Variants in SYMPK observed in about 807,000 individuals in gnomAD.
SYMPK encodes symplekin.
Under a neutral mutation model 136.4 loss-of-function variants are expected in SYMPK, and 49 were observed. That is an observed-to-expected ratio of 0.36 (90% CI 0.29 to 0.46). SYMPK has a LOEUF of 0.46. SYMPK is among the 20% of genes least tolerant of loss of function. The pLI, the probability that SYMPK is intolerant of heterozygous loss-of-function variation, is 1.00. For synonymous variants in SYMPK, 766 were observed against 713.0 expected (o/e 1.07, Z -1.19); for missense variants, 1,365 against 1,690.0 (o/e 0.81, Z 3.37).
rs139680092 is a variant in SYMPK, at chr19:45,820,951, G to C, written c.2893+433C>G. 1.4e-5 allele frequency: 8 copies of C among 580,742 alleles called. No individual in the cohort carries two copies. The Admixed American group carries it at 2.7e-4, about 19-fold the overall frequency. The allele number at this position is 580,742 out of a possible 1,614,324, so 36.0% of individuals were successfully genotyped here. A position where few individuals can be genotyped will look rare whatever the true frequency, so the allele number is the denominator to read the frequency against. On this transcript the variant is annotated intron_variant, in intron 22 of 26. Transcript: ENST00000245934. ...CGGCCAGTTCGTCACCAACCCTGCCGCCCTGCAGGCAAGCTCTCCTGCCTC... is the reference window on the plus strand; with the variant it reads ...CGGCCAGTTCGTCACCAACCCTGCCCCCCTGCAGGCAAGCTCTCCTGCCTC...
chr19:45,852,398 G>A lies in SYMPK; in HGVS notation c.226-13C>T. On this transcript the variant is annotated splice_polypyrimidine_tract_variant and intron_variant, in intron 4 of 26. Coordinates refer to ENST00000245934, the MANE Select transcript of SYMPK (RefSeq NM_004819.3). Reference sequence around the variant, plus strand: ...ATGCGATGATCTCCTGCCAATGTTAGAGAGAAAGTGGATCAGGGCTACACA... The same window carrying A: ...ATGCGATGATCTCCTGCCAATGTTAAAGAGAAAGTGGATCAGGGCTACACA... 6.2e-7 allele frequency: 1 copy of A among 1,614,182 alleles called. No homozygotes were observed. Among genetic ancestry groups the A allele is most frequent in the Non-Finnish European group, 8.5e-7 (1 of 1,180,038 alleles).
rs1385011820 is a variant in SYMPK at position 45,821,157 on chromosome 19, T to C, written c.2893+227A>G. ...ACATCAGAGGCAGAAAAAGGTGGGT[T>C]GTAAAGGGTAAAACCTGGGAGGAAG... On this transcript the variant is annotated intron_variant, in intron 22 of 26. Transcript: ENST00000245934. The surrounding 1 kb of genome is among the most constrained non-coding windows in gnomAD (Gnocchi z 4.4). 1.5e-6 allele frequency: 1 copy of C among 679,908 alleles called. No individual in the cohort carries two copies. Among genetic ancestry groups the C allele is most frequent in the South Asian group, 1.5e-5 (1 of 66,400 alleles). 42.1% of individuals were successfully genotyped at this position (679,908 alleles called of 1,614,324 possible). A position where few individuals can be genotyped will look rare whatever the true frequency, so the allele number is the denominator to read the frequency against.
intron 10 of SYMPK, among the ~76,000 whole-genome samples, chr19:45,835,920 A>AGAAAGAAG (rs1479803233): frequency 5.5e-5 from 8 of 145,944 alleles, no homozygotes; most frequent in Non-Finnish European, 1.0e-4. Context: ...TCATTCATAA[A>AGAAAGAAG]GAAAGAAAGA....
At chr19:45,841,408 T>C (rs2146328633) in intron 9 of SYMPK, among the ~76,000 whole-genome samples, 1 of 152,178 alleles carries the variant, frequency 6.6e-6, no homozygotes, top group East Asian at 1.9e-4. Flanking sequence ...TTCTCCTGCC[T>C]CAGCCTCCAG....
chr19:45,836,632 A>G (rs932847713), intron 10 of SYMPK, among the ~76,000 whole-genome samples: 1 of 150,208 alleles, frequency 6.7e-6, no homozygotes, highest in African/African-American at 2.4e-5. Context: ...CTCTGTCTCA[A>G]AAAAAAAATG....
Position 45,815,423 on chromosome 19 carries a change from T to A in SYMPK, c.*137A>T. The stretch of plus-strand genomic sequence containing the variant: ...ACCCGCGCCCCAGGCCCGCCATCCC[T>A]TTTTTTTTTTCTTTTCAGTAACTTG... On this transcript the variant is annotated 3_prime_UTR_variant, in exon 27 of 27. Transcript: ENST00000245934. 1.7e-6 allele frequency: 1 copy of A among 578,090 alleles called. No homozygotes were observed. The highest frequency in any genetic ancestry group is 2.5e-6 in the Non-Finnish European group (1 of 398,122). The allele number at this position is 578,090 out of a possible 1,614,324, so 35.8% of individuals were successfully genotyped here.
chr19:45,818,198 G>A (rs1201078924), intron 22 of SYMPK, 52 bp from the exon 23 acceptor site: 1 of 1,473,730 alleles, frequency 6.8e-7, no homozygotes, highest in East Asian at 2.5e-5. Flanking sequence ...TGCCCCCTGG[G>A]AGGTGGGAGT....
chr19:45,823,680 G>A, intron 19 of SYMPK, 87 bp downstream of exon 19: 2 of 1,233,392 alleles, frequency 1.6e-6, no homozygotes, highest in Non-Finnish European at 1.2e-6. Context: ...ACGACCATCT[G>A]GGGACCCAGC....
At chr19:45,854,893 T>TA (rs1366894110) in intron 1 of SYMPK, 6 of 202,258 alleles carry the variant, frequency 3.0e-5, no homozygotes, top group African/African-American at 1.4e-4. Flanking sequence ...TTTTTTTTTT[T>TA]TTGAGATGAA....
In SYMPK at chr19:45,815,868, CGAG is replaced by C; in HGVS notation, c.3667_3669del (p.Leu1223del). The C allele has an allele frequency of 6.2e-7, 1 of 1,611,890 alleles. No individual in the cohort carries two copies. Among genetic ancestry groups the C allele is most frequent in the Non-Finnish European group, 8.5e-7 (1 of 1,179,690 alleles). ...CTCCCTACCTTGGGTAGGGGGCCCT[CGAG>C]ACTAGAGTCCAACAGCGCGGCCTCG... is the stretch of plus-strand genomic sequence containing the variant. On this transcript the variant is annotated inframe_deletion, in exon 26 of 27. Coordinates refer to ENST00000245934, the MANE Select transcript of SYMPK (RefSeq NM_004819.3).
At position 45,816,135 on chromosome 19, in the gene SYMPK, G is replaced by A. The variant is rs1247681961; in HGVS notation, c.3403C>T (p.Pro1135Ser). 5 of 1,550,146 alleles carry A rather than the reference G, an allele frequency of 3.2e-6. No homozygotes were observed. The highest frequency in any genetic ancestry group is 2.7e-5 in the African/African-American group (2 of 73,568). The change falls in exon 26 of 27, where the codon CCT becomes TCT. Residue 1135 changes from proline (P) to serine (S), a missense_variant. Pro to Ser is a moderately conservative substitution (Grantham distance 74). Transcript: ENST00000245934. ...TLAPAPAPRP[P>S]QDLIGLRLAQ... The stretch of plus-strand genomic sequence containing the variant: ...AGTCGCAGGCCGATGAGGTCCTGAG[G>A]GGGCCGGGGTGCTGGGGCCGGGGCC...
intron 12 of SYMPK, chr19:45,830,484 A>G (rs1600504577): frequency 2.5e-6 from 1 of 394,348 alleles, no homozygotes; most frequent in Non-Finnish European, 4.8e-6. Context: ...CTGGGGGACC[A>G]GCTCTCCAGG....
chr19:45,840,369 A>G (rs1003452180), intron 9 of SYMPK, among the ~76,000 whole-genome samples: 3 of 151,336 alleles, frequency 2.0e-5, no homozygotes, highest in African/African-American at 7.3e-5. Context: ...ATAACTTTAA[A>G]TATACAAACC....
Position 45,821,477 on chromosome 19 carries a change from T to G in SYMPK, c.2800A>C (p.Asn934His). ...GGGTTCAGCGGGGACAAGGCTGAGTTTCCCTCACCTGCAGCAGGCGGGAGG... is the reference window on the plus strand; with the variant it reads ...GGGTTCAGCGGGGACAAGGCTGAGTGTCCCTCACCTGCAGCAGGCGGGAGG... ...RLLGTQHGEG[N>H]SALSPLNPGE... The change falls in exon 22 of 27, where the codon AAC becomes CAC. Residue 934 changes from asparagine to histidine, a missense_variant. Coordinates refer to ENST00000245934, the MANE Select transcript of SYMPK (RefSeq NM_004819.3). The surrounding 1 kb of genome is among the most constrained non-coding windows in gnomAD (Gnocchi z 4.4). The G allele has an allele frequency of 6.2e-6, 10 of 1,612,924 alleles. No homozygotes were observed. Among genetic ancestry groups the G allele is most frequent in the Non-Finnish European group, 8.5e-6 (10 of 1,179,124 alleles).
At chr19:45,831,242 A>C in intron 12 of SYMPK, 142 bp downstream of exon 12, 1 of 531,202 alleles carries the variant, frequency 1.9e-6, no homozygotes, top group East Asian at 3.3e-5. Context: ...CGGGAGTCAG[A>C]GAGAACCTAT....
intron 10 of SYMPK, 104 bp downstream of exon 10, chr19:45,838,357 A>G: frequency 7.4e-7 from 1 of 1,345,530 alleles, no homozygotes; most frequent in Non-Finnish European, 1.0e-6. Context: ...ATTAATTAGG[A>G]GGGTACTCTG....
At position 45,816,014 on chromosome 19, in the gene SYMPK, G is replaced by A. The variant is rs1359946733; in HGVS notation, c.3524C>T (p.Ser1175Phe). ...GGGCGGGCCTGGCCGGGCCGACGGA[G>A]AGGGAGAGGGGGAGGAAGAGGAGGG... The part of the protein sequence containing the change: ...GAPSSSSPSP[S>F]PSARPGPPPS... Residue 1175 changes from serine to phenylalanine, a missense_variant, in exon 26 of 27, where the codon TCT becomes TTT. Around this residue, in one of 11 missense-constraint regions of SYMPK, gnomAD observed 341 missense variants for 270.5 expected, o/e 1.26. Transcript: ENST00000245934. The A allele has an allele frequency of 1.3e-6, 2 of 1,597,108 alleles. No homozygotes were observed. The highest frequency in any genetic ancestry group is 1.7e-5 in the Admixed American group (1 of 57,708).
At chr19:45,827,174 C>T (rs1034350066) in intron 16 of SYMPK, among the ~76,000 whole-genome samples, 4 of 152,114 alleles carry the variant, frequency 2.6e-5, no homozygotes, top group African/African-American at 9.7e-5. Flanking sequence ...CCTCAGGCCC[C>T]GGCACAGGAC....
intron 6 of SYMPK, 94 bp from the exon 7 acceptor site, chr19:45,848,095 A>G: frequency 7.2e-7 from 1 of 1,391,884 alleles, no homozygotes; most frequent in Non-Finnish European, 9.7e-7. Flanking sequence ...CCAGAGAACC[A>G]TGAATGATGA....
Sources: allele counts gnomAD v4.1 joint callset (sites outside exome capture counted in the v4.1 genomes callset), GRCh38; gene constraint gnomAD v4.1.1; regional missense constraint gnomAD v4.1.1; non-coding constraint Gnocchi (gnomAD v3.1); transcripts MANE v1.5; gene names NCBI Gene and HGNC (gene_info 2026-07-23, HGNC 2026-07-21).